CDH11: variants seen among roughly 807,000 people sequenced by gnomAD.
CDH11 encodes cadherin 11, also known as cadherin-11.
CDH11 carries 11 observed loss-of-function variants against 67.8 expected under a neutral mutation model. The observed-to-expected ratio is 0.16, with a 90% CI of 0.10 to 0.27. CDH11 has a LOEUF of 0.27. Ranked by LOEUF, CDH11 falls within the 10% of genes least tolerant of loss-of-function variation. The pLI, the probability that CDH11 is intolerant of heterozygous loss-of-function variation, is 1.00. For synonymous variants in CDH11, 419 were observed against 400.0 expected (o/e 1.05, Z -0.57); for missense variants, 847 against 1,031.2 (o/e 0.82, Z 2.45).
At chr16:65,025,200 T>C (rs896210450) in intron 2 of CDH11, among the ~76,000 whole-genome samples, 2 of 152,206 alleles carry the variant, frequency 1.3e-5, no homozygotes, top group African/African-American at 4.8e-5. Context: ...ACCTCCCTCA[T>C]TCCTAAGTTA....
intron 11 of CDH11, among the ~76,000 whole-genome samples, chr16:64,951,973 A>G (rs554691431): frequency 2.0e-5 from 3 of 152,090 alleles, no homozygotes; most frequent in African/African-American, 7.2e-5. Flanking sequence ...GGAGGATCAG[A>G]TATTATTTCC....
intron 4 of CDH11, among the ~76,000 whole-genome samples, chr16:64,996,778 T>C (rs1255403758): frequency 5.9e-5 from 9 of 152,062 alleles, no homozygotes; most frequent in Non-Finnish European, 2.9e-5. Flanking sequence ...CCTGAGCAAA[T>C]TGACACAGGA....
chr16:65,002,681 G>A (rs1432331917), intron 3 of CDH11, among the ~76,000 whole-genome samples: 1 of 152,136 alleles, frequency 6.6e-6, no homozygotes, highest in Non-Finnish European at 1.5e-5. Flanking sequence ...TGAACATGAA[G>A]TGCTGTTCTC....
intron 2 of CDH11, among the ~76,000 whole-genome samples, chr16:65,007,433 C>T (rs748771252): frequency 1.6e-4 from 24 of 152,302 alleles, no homozygotes; most frequent in Middle Eastern, 3.4e-3. Flanking sequence ...CATCATTTAA[C>T]AACTTCATCC....
intron 1 of CDH11, among the ~76,000 whole-genome samples, chr16:65,064,782 AT>A (rs1028882791): frequency 1.3e-5 from 2 of 152,196 alleles, no homozygotes; most frequent in Admixed American, 6.5e-5. Flanking sequence ...CTTCAAAAAT[AT>A]TTTTTTAAAT....
intron 11 of CDH11, 82 bp from the exon 12 acceptor site, chr16:64,951,100 G>T: frequency 1.5e-6 from 2 of 1,373,690 alleles, no homozygotes; most frequent in Non-Finnish European, 1.0e-6. Flanking sequence ...AGATTTGAGG[G>T]CACTCTCTTA....
intron 2 of CDH11, among the ~76,000 whole-genome samples, chr16:65,041,622 A>G (rs2073869559): frequency 6.6e-6 from 1 of 152,258 alleles, no homozygotes; most frequent in Non-Finnish European, 1.5e-5. Context: ...AAAAATTCAT[A>G]CTAACAGGCT....
chr16:65,007,331 G>C (rs73577740), intron 2 of CDH11, among the ~76,000 whole-genome samples: 2 of 152,194 alleles, frequency 1.3e-5, no homozygotes, highest in Non-Finnish European at 2.9e-5. Flanking sequence ...AAGGAATAGG[G>C]GACTTGAAAC....
At chr16:64,958,266 ACAGT>A (rs1490661565) in intron 11 of CDH11, among the ~76,000 whole-genome samples, 5 of 152,310 alleles carry the variant, frequency 3.3e-5, no homozygotes, top group African/African-American at 1.2e-4. Flanking sequence ...ACTTTTCCAC[ACAGT>A]CAGAGTTTAC....
chr16:65,019,328 C>G (rs1035653932), intron 2 of CDH11, among the ~76,000 whole-genome samples: 6 of 152,114 alleles, frequency 3.9e-5, no homozygotes, highest in Admixed American at 6.6e-5. Flanking sequence ...TTATCTAAAA[C>G]AATAACTCAA....
At chr16:65,011,026 T>C (rs893176637) in intron 2 of CDH11, among the ~76,000 whole-genome samples, 2 of 148,164 alleles carry the variant, frequency 1.3e-5, no homozygotes, top group South Asian at 2.1e-4. Context: ...TGTATATATA[T>C]ACACACATAT....
chr16:65,101,058 T>C (rs1024402908), intron 1 of CDH11, among the ~76,000 whole-genome samples: 1 of 152,224 alleles, frequency 6.6e-6, no homozygotes, highest in Non-Finnish European at 1.5e-5. Flanking sequence ...ATTCCTCAAA[T>C]ATGTGTAGGC....
At chr16:65,041,785 C>T (rs1178751411) in intron 2 of CDH11, among the ~76,000 whole-genome samples, 3 of 152,212 alleles carry the variant, frequency 2.0e-5, no homozygotes, top group Non-Finnish European at 4.4e-5. Context: ...TACAGATGCA[C>T]AGACTTTCCT....
At chr16:65,041,013 T>C (rs2142664898) in intron 2 of CDH11, among the ~76,000 whole-genome samples, 1 of 152,294 alleles carries the variant, frequency 6.6e-6, no homozygotes, top group South Asian at 2.1e-4. Context: ...TTAGAACATA[T>C]TTTACTAACC....
chr16:65,033,736 C>CTAAAGTAAAA (rs2073694146), intron 2 of CDH11, among the ~76,000 whole-genome samples: 1 of 141,478 alleles, frequency 7.1e-6, no homozygotes, highest in African/African-American at 2.6e-5. Flanking sequence ...GACTCCATCT[C>CTAAAGTAAAA]TAAAATAAAA....
chr16:64,968,606 G>A, intron 11 of CDH11: 1 of 972,404 alleles, frequency 1.0e-6, no homozygotes, highest in Non-Finnish European at 1.2e-6. Context: ...GAAATAAAAA[G>A]CTTGTGTGTA....
chr16:64,947,413 G>T lies in CDH11; in HGVS notation c.*190C>A. On this transcript the variant is annotated 3_prime_UTR_variant, in exon 13 of 13. Transcript: ENST00000268603. ...AAACAACTTCAATATTTGCCTTTTT[G>T]TGAGAAAAGGTATTTCACAGTATTT... 9.9e-6 allele frequency: 13 copies of T among 1,316,450 alleles called. No individual in the cohort carries two copies. Among genetic ancestry groups the T allele is most frequent in the East Asian group, 5.6e-5 (2 of 35,946 alleles). 81.5% of individuals were successfully genotyped at this position (1,316,450 alleles called of 1,614,324 possible).
At chr16:65,116,720 T>C (rs2075251139) in intron 1 of CDH11, among the ~76,000 whole-genome samples, 1 of 152,014 alleles carries the variant, frequency 6.6e-6, no homozygotes, top group Non-Finnish European at 1.5e-5. Flanking sequence ...TATATCAACT[T>C]CCTAGATTCA....
intron 2 of CDH11, among the ~76,000 whole-genome samples, chr16:65,033,066 T>A (rs775985970): frequency 2.0e-5 from 3 of 152,184 alleles, no homozygotes; most frequent in Non-Finnish European, 4.4e-5. Flanking sequence ...ACTGATGAGG[T>A]GACAGCAAGC....
Sources: allele counts gnomAD v4.1 joint callset (sites outside exome capture counted in the v4.1 genomes callset), GRCh38; gene constraint gnomAD v4.1.1; transcripts MANE v1.5; gene names NCBI Gene and HGNC (gene_info 2026-07-23, HGNC 2026-07-21).